Variants in GLYAT observed in about 807,000 individuals in gnomAD.
The protein encoded by GLYAT is glycine N-acyltransferase.
In GLYAT, 25 loss-of-function variants were observed where a neutral mutation model predicts 22.8. The ratio of observed to expected loss-of-function variants is 1.09; its 90% CI spans 0.80 to 1.53. The LOEUF (loss-of-function observed/expected upper bound fraction) is 1.53. Ranked by LOEUF, GLYAT falls within the 40% of genes most tolerant of loss-of-function variation. GLYAT has a pLI of 0.00. For missense variants in GLYAT, 411 were observed against 353.9 expected (o/e 1.16, Z -1.29); for synonymous variants, 140 against 122.7 (o/e 1.14, Z -0.93).
chr11:58,731,599 T>C (rs1217404658), intron 1 of GLYAT, among the ~76,000 whole-genome samples: 1 of 152,192 alleles, frequency 6.6e-6, no homozygotes, highest in Non-Finnish European at 1.5e-5. Context: ...AATATGATGT[T>C]ATGAGAGCAT....
chr11:58,729,578 A>T (rs967424421), intron 1 of GLYAT, among the ~76,000 whole-genome samples: 1 of 152,202 alleles, frequency 6.6e-6, no homozygotes, highest in Admixed American at 6.5e-5. Flanking sequence ...CCCTCAATAC[A>T]TAAGTAACGA....
chr11:58,709,177 A>C lies in GLYAT; in HGVS notation c.*589T>G, dbSNP rs961044451. On this transcript the variant is annotated 3_prime_UTR_variant, in exon 6 of 6. Coordinates refer to ENST00000344743, the MANE Select transcript of GLYAT (RefSeq NM_201648.3). Reference sequence around the variant, plus strand: ...TTCCTGGAATAGGAGCTTGGAGAGGATAGGATATCATCAGTTGATATTTCT... The same window carrying C: ...TTCCTGGAATAGGAGCTTGGAGAGGCTAGGATATCATCAGTTGATATTTCT... The C allele has an allele frequency of 1.3e-5, 2 of 152,188 alleles. No individual in the cohort carries two copies. Among genetic ancestry groups the C allele is most frequent in the African/African-American group, 4.8e-5 (2 of 41,458 alleles). 9.4% of individuals were successfully genotyped at this position (152,188 alleles called of 1,614,324 possible).
intron 3 of GLYAT, among the ~76,000 whole-genome samples, chr11:58,714,693 T>C (rs1856657964): frequency 6.6e-6 from 1 of 152,110 alleles, no homozygotes; most frequent in Non-Finnish European, 1.5e-5. Context: ...GGCTTCCCCA[T>C]TTGCTTGACT....
chr11:58,720,711 C>T (rs1856738917), intron 2 of GLYAT, among the ~76,000 whole-genome samples: 1 of 151,962 alleles, frequency 6.6e-6, no homozygotes, highest in Non-Finnish European at 1.5e-5. Flanking sequence ...CATATCAATG[C>T]ATTATTTATT....
chr11:58,729,773 A>G (rs918362501), intron 1 of GLYAT, among the ~76,000 whole-genome samples: 2 of 152,166 alleles, frequency 1.3e-5, no homozygotes, highest in Non-Finnish European at 2.9e-5. Context: ...ACTCCAGACC[A>G]TATCTCATAT....
intron 3 of GLYAT, among the ~76,000 whole-genome samples, chr11:58,714,926 A>G (rs1229082253): frequency 1.3e-5 from 2 of 151,964 alleles, no homozygotes; most frequent in Non-Finnish European, 2.9e-5. Context: ...ACAACTTTAT[A>G]TCTGTGCTCT....
chr11:58,717,339 GA>G (rs1281405501), intron 2 of GLYAT, among the ~76,000 whole-genome samples: 2 of 151,738 alleles, frequency 1.3e-5, no homozygotes, highest in African/African-American at 4.8e-5. Flanking sequence ...GTGAAAGGGA[GA>G]AAAAACAACA....
rs74786524 is a variant in GLYAT, at chr11:58,721,286, C to T, written c.81+3130G>A. 3.3e-5 allele frequency among the ~76,000 whole-genome samples: 5 copies of T among 151,792 alleles called. No individual in the cohort carries two copies. The East Asian group carries it at 9.7e-4, about 29-fold the overall frequency. ...GAAAATCAAATAGTAAAATTTACAA[C>T]ATAAGGTACAGAGAGAAAAAGTCTG... On this transcript the variant is annotated intron_variant, in intron 2 of 5. Coordinates refer to ENST00000344743, the MANE Select transcript of GLYAT (RefSeq NM_201648.3).
chr11:58,711,682 C>T (rs1420017505), intron 4 of GLYAT, among the ~76,000 whole-genome samples: 1 of 152,168 alleles, frequency 6.6e-6, no homozygotes, highest in Non-Finnish European at 1.5e-5. Context: ...TACTAAGCTA[C>T]ATTCCTAGTG....
chr11:58,728,358 G>A (rs940001033), intron 1 of GLYAT, among the ~76,000 whole-genome samples: 3 of 152,044 alleles, frequency 2.0e-5, no homozygotes, highest in Admixed American at 1.3e-4. Context: ...ACTGCGCCTG[G>A]CTAAAGCTTT....
intron 2 of GLYAT, among the ~76,000 whole-genome samples, chr11:58,719,417 A>G (rs530432415): frequency 6.6e-6 from 1 of 152,128 alleles, no homozygotes; most frequent in Non-Finnish European, 1.5e-5. Flanking sequence ...GAGTTGGTTA[A>G]TGCTTCAAGA....
At position 58,717,345 on chromosome 11, in the gene GLYAT, A is replaced by G. The variant is rs548312662; in HGVS notation, c.82-1922T>C. Among the ~76,000 whole-genome samples, 9 of 151,282 alleles carry G rather than the reference A, an allele frequency of 5.9e-5. No homozygotes were observed. In the South Asian group the frequency reaches 1.4e-3, roughly 24 times the overall value. ...GAAAATAGGGTGAAAGGGAGAAAAAACAACAACAAACAAAAGAACAATCCT... is the reference window on the plus strand; with the variant it reads ...GAAAATAGGGTGAAAGGGAGAAAAAGCAACAACAAACAAAAGAACAATCCT... On this transcript the variant is annotated intron_variant, in intron 2 of 5. Coordinates refer to ENST00000344743, the MANE Select transcript of GLYAT (RefSeq NM_201648.3).
At position 58,712,980 on chromosome 11, in the gene GLYAT, T is replaced by C. The variant is rs1056766889; in HGVS notation, c.190-94A>G. On this transcript the variant is annotated intron_variant, in intron 3 of 5. Transcript: ENST00000344743. ...GTGATATTTCTAAGTAATAAAATAT[T>C]GGTAGTTTTATTGGTGTATCACAAT... 6 of 775,118 alleles carry C rather than the reference T, an allele frequency of 7.7e-6. No homozygotes were observed. The African/African-American group carries it at 8.9e-5, about 12-fold the overall frequency. 48.0% of individuals were successfully genotyped at this position (775,118 alleles called of 1,614,324 possible). A position where few individuals can be genotyped will look rare whatever the true frequency, so the allele number is the denominator to read the frequency against.
intron 2 of GLYAT, among the ~76,000 whole-genome samples, chr11:58,719,542 A>AT (rs1398722832): frequency 6.6e-6 from 1 of 151,958 alleles, no homozygotes; most frequent in Non-Finnish European, 1.5e-5. Context: ...AAAATCAGGC[A>AT]TTACACTCTT....
At chr11:58,724,250 T>C (rs1856787177) in intron 2 of GLYAT, 166 bp downstream of exon 2, 8 of 490,646 alleles carry the variant, frequency 1.6e-5, no homozygotes, top group Non-Finnish European at 2.9e-5. Flanking sequence ...AACAGCAACA[T>C]GGACATGACA....
intron 2 of GLYAT, among the ~76,000 whole-genome samples, chr11:58,721,607 T>C (rs778112607): frequency 2.0e-5 from 3 of 151,962 alleles, no homozygotes; most frequent in Non-Finnish European, 2.9e-5. Context: ...ATCTTGGATG[T>C]TAGCCTTTTA....
intron 1 of GLYAT, among the ~76,000 whole-genome samples, chr11:58,725,312 C>T (rs1403102755): frequency 6.6e-6 from 1 of 152,120 alleles, no homozygotes; most frequent in Middle Eastern, 3.2e-3. Flanking sequence ...ATTTGACTAG[C>T]TGCATCAAAT....
intron 2 of GLYAT, 30 bp from the exon 3 acceptor site, chr11:58,715,453 G>A (rs1856668852): frequency 1.0e-6 from 1 of 991,748 alleles, no homozygotes; most frequent in East Asian, 2.4e-5. Context: ...TGACAGGGTT[G>A]GTTTATTTGA....
At chr11:58,714,793 T>C (rs1856659155) in intron 3 of GLYAT, among the ~76,000 whole-genome samples, 1 of 152,168 alleles carries the variant, frequency 6.6e-6, no homozygotes, top group African/African-American at 2.4e-5. Context: ...TTCCCAGCCA[T>C]GCTGAACTAT....
Sources: gnomAD v4.1 joint callset for allele counts (sites outside exome capture counted in the v4.1 genomes callset) on GRCh38, gnomAD v4.1.1 for gene constraint, MANE v1.5 for transcripts, NCBI Gene and HGNC (gene_info 2026-07-23, HGNC 2026-07-21) for gene names.